Variants in ACAP2 observed in about 807,000 individuals in gnomAD.
ACAP2 encodes the protein arf-GAP with coiled-coil, ANK repeat and PH domain-containing protein 2.
In ACAP2, 39 loss-of-function variants were observed where a neutral mutation model predicts 115.8. The ratio of observed to expected loss-of-function variants is 0.34; its 90% CI spans 0.26 to 0.44. The LOEUF is 0.44. Among genes scored for constraint, ACAP2 ranks in the 20% least tolerant of loss-of-function variants. ACAP2 has a pLI of 1.00. For missense variants in ACAP2, 662 were observed against 927.6 expected, an observed-to-expected ratio of 0.71 and a Z score of 3.72; for synonymous variants, 289 against 315.8, an observed-to-expected ratio of 0.92 and a Z score of 0.90.
At chr3:195,283,028 C>T (rs967807734) in intron 22 of ACAP2, among the ~76,000 whole-genome samples, 1 of 152,194 alleles carries the variant, frequency 6.6e-6, no homozygotes, top group Admixed American at 6.5e-5. Context: ...TGGGTAACAG[C>T]TTACTTTCAT....
intron 4 of ACAP2, among the ~76,000 whole-genome samples, chr3:195,368,916 T>C (rs1732917576): frequency 6.6e-6 from 1 of 152,082 alleles, no homozygotes. Context: ...AAACCCTATC[T>C]CTACTAAAAA....
intron 4 of ACAP2, among the ~76,000 whole-genome samples, chr3:195,378,515 C>A (rs7372715): frequency 0.27 from 40,371 of 147,456 alleles, 6,181 homozygotes; most frequent in East Asian, 0.7. Flanking sequence ...AACAAACAAA[C>A]AAAAAAAAAC....
chr3:195,342,824 T>C (rs1469404760), intron 5 of ACAP2, 170 bp from the exon 6 acceptor site: 3 of 459,878 alleles, frequency 6.5e-6, no homozygotes, highest in Non-Finnish European at 1.1e-5. Flanking sequence ...TGAAACCCCA[T>C]CTCTACTAAA....
At chr3:195,324,503 G>A (rs1194572441) in intron 9 of ACAP2, among the ~76,000 whole-genome samples, 1 of 151,944 alleles carries the variant, frequency 6.6e-6, no homozygotes, top group Non-Finnish European at 1.5e-5. Flanking sequence ...CCTGTAATCC[G>A]AGCACATTGG....
intron 1 of ACAP2, among the ~76,000 whole-genome samples, chr3:195,423,622 C>CAAA (rs59649323): frequency 2.2e-5 from 2 of 92,624 alleles, no homozygotes; most frequent in Non-Finnish European, 2.2e-5. Context: ...GACTCCGTCT[C>CAAA]AAAAAAAAAA....
At position 195,421,121 on chromosome 3, in the gene ACAP2, C is replaced by G. The variant is rs894158137; in HGVS notation, c.53+21674G>C. Among the ~76,000 whole-genome samples, 4 of 152,238 alleles carry G rather than the reference C, an allele frequency of 2.6e-5. No individual in the cohort carries two copies. The South Asian group carries it at 8.3e-4, about 32-fold the overall frequency. ...TATATATAATGAATTATATGTAATT[C>G]AGCCTGATAATTCTGAGACCTTTAG... On this transcript the variant is annotated intron_variant, in intron 1 of 22. Transcript: ENST00000326793.
chr3:195,339,955 A>G (rs1434124618), intron 6 of ACAP2, among the ~76,000 whole-genome samples: 1 of 152,048 alleles, frequency 6.6e-6, no homozygotes, highest in African/African-American at 2.4e-5. Context: ...ATAAATGCGT[A>G]AGTAGTCTAA....
At chr3:195,432,998 T>C (rs1035700195) in intron 1 of ACAP2, among the ~76,000 whole-genome samples, 13 of 152,308 alleles carry the variant, frequency 8.5e-5, no homozygotes, top group East Asian at 5.8e-4. Flanking sequence ...CTAGCTGAAC[T>C]TACTAGTTAT....
At chr3:195,345,493 C>T (rs146085195) in intron 4 of ACAP2, among the ~76,000 whole-genome samples, 176 bp from the exon 5 acceptor site, 8 of 152,104 alleles carry the variant, frequency 5.3e-5, no homozygotes, top group Non-Finnish European at 8.8e-5. Flanking sequence ...CAGATTAAGC[C>T]AATTTCATCT....
chr3:195,351,861 G>A (rs1731634499), intron 4 of ACAP2, among the ~76,000 whole-genome samples: 1 of 152,118 alleles, frequency 6.6e-6, no homozygotes, highest in Admixed American at 6.5e-5. Flanking sequence ...TTATTAATAA[G>A]GAAATGCAAA....
chr3:195,349,975 A>G (rs1731443016), intron 4 of ACAP2: 1 of 179,484 alleles, frequency 5.6e-6, no homozygotes, highest in African/African-American at 2.4e-5. Flanking sequence ...TTGATTACCT[A>G]TGTGTCTGTC....
chr3:195,295,697 G>A lies in ACAP2; in HGVS notation c.1672+11C>T. ...AAATAGCTATAGACACAGTAAGAAAGTTTGCCATACCTGAACTTTGGGCAG... is the reference window on the plus strand; with the variant it reads ...AAATAGCTATAGACACAGTAAGAAAATTTGCCATACCTGAACTTTGGGCAG... On this transcript the variant is annotated intron_variant, in intron 17 of 22. Transcript: ENST00000326793. 6.2e-7 allele frequency: 1 copy of A among 1,613,932 alleles called. No individual in the cohort carries two copies. Among genetic ancestry groups the A allele is most frequent in the South Asian group, 1.1e-5 (1 of 91,076 alleles).
intron 4 of ACAP2, among the ~76,000 whole-genome samples, chr3:195,375,803 G>A (rs1320797421): frequency 6.6e-6 from 1 of 151,922 alleles, no homozygotes; most frequent in Non-Finnish European, 1.5e-5. Flanking sequence ...GCAAGACCCT[G>A]TCTCAAAAAT....
At chr3:195,414,707 A>T (rs928474864) in intron 1 of ACAP2, among the ~76,000 whole-genome samples, 3 of 152,242 alleles carry the variant, frequency 2.0e-5, no homozygotes, top group African/African-American at 7.2e-5. Flanking sequence ...CATGACACTC[A>T]AAGAAAATGA....
chr3:195,331,583 G>C (rs541373893), intron 8 of ACAP2, among the ~76,000 whole-genome samples: 215 of 152,008 alleles, frequency 1.4e-3, no homozygotes, highest in African/African-American at 4.7e-3. Flanking sequence ...AAAGTGCTGG[G>C]ATTACAGGCA....
intron 13 of ACAP2, among the ~76,000 whole-genome samples, chr3:195,305,810 G>A (rs1234183367): frequency 2.0e-5 from 3 of 151,776 alleles, no homozygotes; most frequent in Non-Finnish European, 4.4e-5. Flanking sequence ...GATCAAGTTA[G>A]TCGTCCCCCC....
At chr3:195,292,542 G>T in intron 18 of ACAP2, 90 bp from the exon 19 acceptor site, 1 of 1,259,534 alleles carries the variant, frequency 7.9e-7, no homozygotes, top group African/African-American at 1.5e-5. Context: ...AGTTTTGCAA[G>T]ATAAAAAGAG....
intron 11 of ACAP2, among the ~76,000 whole-genome samples, chr3:195,307,537 T>C (rs1728500329): frequency 6.6e-6 from 1 of 152,186 alleles, no homozygotes; most frequent in Non-Finnish European, 1.5e-5. Flanking sequence ...TTAAATGAAA[T>C]TGTTTACATA....
intron 1 of ACAP2, among the ~76,000 whole-genome samples, chr3:195,424,195 A>AAT (rs1364945049): frequency 6.9e-6 from 1 of 143,900 alleles, no homozygotes; most frequent in Non-Finnish European, 1.5e-5. Flanking sequence ...TAAATGATTT[A>AAT]ATATATATAA....
Sources: allele counts gnomAD v4.1 joint callset (sites outside exome capture counted in the v4.1 genomes callset), GRCh38; gene constraint gnomAD v4.1.1; transcripts MANE v1.5; gene names NCBI Gene and HGNC (gene_info 2026-07-23, HGNC 2026-07-21).